CCSER1: variants seen among roughly 807,000 people sequenced by gnomAD.
CCSER1 encodes serine-rich coiled-coil domain-containing protein 1.
CCSER1 carries 41 observed loss-of-function variants against 82.0 expected under a neutral mutation model. That is an observed-to-expected ratio of 0.50 (90% CI 0.39 to 0.65). The LOEUF (loss-of-function observed/expected upper bound fraction) is 0.65, where lower values mean the gene tolerates loss of function less well. CCSER1 is among the 30% of genes least tolerant of loss of function. The pLI is 0.00. For synonymous variants in CCSER1, 414 were observed against 383.9 expected (o/e 1.08, Z -0.92); for missense variants, 1,119 against 1,064.2 (o/e 1.05, Z -0.72).
At chr4:90,615,008 T>C (rs1203171129) in intron 5 of CCSER1, among the ~76,000 whole-genome samples, 1 of 152,160 alleles carries the variant, frequency 6.6e-6, no homozygotes, top group Non-Finnish European at 1.5e-5. Context: ...AAGTTTTATT[T>C]CCCATTCTGA....
chr4:90,242,134 C>T (rs551241246), intron 1 of CCSER1, among the ~76,000 whole-genome samples: 27 of 152,184 alleles, frequency 1.8e-4, no homozygotes, highest in African/African-American at 6.0e-4. Flanking sequence ...TGGTGAAATC[C>T]GGTCTTACTA....
intron 5 of CCSER1, among the ~76,000 whole-genome samples, chr4:90,570,255 A>G (rs1240580983): frequency 6.6e-6 from 1 of 152,114 alleles, no homozygotes; most frequent in African/African-American, 2.4e-5. Flanking sequence ...AATGTCTGGA[A>G]TGACTCTGCG....
intron 3 of CCSER1, among the ~76,000 whole-genome samples, chr4:90,386,871 T>C (rs541751230): frequency 6.6e-6 from 1 of 152,324 alleles, no homozygotes; most frequent in East Asian, 1.9e-4. Flanking sequence ...GCCCACCTAA[T>C]GTAAAGTAGC....
intron 5 of CCSER1, among the ~76,000 whole-genome samples, chr4:90,539,398 G>A (rs1204460783): frequency 6.6e-6 from 1 of 152,026 alleles, no homozygotes; most frequent in South Asian, 2.1e-4. Context: ...ATATATTCTA[G>A]ATTAAACTCA....
Position 90,464,535 on chromosome 4 carries a change from A to G in CCSER1, c.1604-3699A>G, listed in dbSNP as rs533363712. Among the ~76,000 whole-genome samples the G allele has an allele frequency of 7.9e-5, 12 of 152,354 alleles. No individual in the cohort carries two copies. The South Asian group carries it at 1.7e-3, about 21-fold the overall frequency. ...ACATGGGGACTTTTATTTTCCAGGT[A>G]TCCTTGCTCTGACACTCTCTAGTGA... On this transcript the variant is annotated intron_variant, in intron 4 of 10. Coordinates refer to ENST00000509176, the MANE Select transcript of CCSER1 (RefSeq NM_001145065.2).
intron 3 of CCSER1, among the ~76,000 whole-genome samples, chr4:90,399,502 G>T (rs1752504995): frequency 6.6e-6 from 1 of 151,944 alleles, no homozygotes; most frequent in Non-Finnish European, 1.5e-5. Context: ...TACAAAATTT[G>T]TTTGAAAAAC....
At chr4:90,179,506 G>A (rs1733327283) in intron 1 of CCSER1, among the ~76,000 whole-genome samples, 1 of 152,160 alleles carries the variant, frequency 6.6e-6, no homozygotes, top group African/African-American at 2.4e-5. Context: ...AGTCTCTAGA[G>A]TAGCTATAGG....
intron 8 of CCSER1, among the ~76,000 whole-genome samples, chr4:90,903,589 C>A (rs1724993796): frequency 6.6e-6 from 1 of 152,158 alleles, no homozygotes; most frequent in Non-Finnish European, 1.5e-5. Flanking sequence ...TTCCTCCACT[C>A]AAGGCACATG....
intron 5 of CCSER1, among the ~76,000 whole-genome samples, chr4:90,544,926 C>T (rs2153637609): frequency 6.6e-6 from 1 of 152,234 alleles, no homozygotes; most frequent in East Asian, 1.9e-4. Context: ...TTATTTTTAT[C>T]ATCTCTGTCT....
At chr4:90,675,445 C>T (rs1196736783) in intron 6 of CCSER1, among the ~76,000 whole-genome samples, 3 of 151,610 alleles carry the variant, frequency 2.0e-5, no homozygotes, top group Non-Finnish European at 4.4e-5. Context: ...TGTGGATTCA[C>T]AAAATATTAG....
rs994618545 is a variant in CCSER1, at chr4:90,266,685, G to A, written c.-41-41559G>A. Among the ~76,000 whole-genome samples, 93 of 152,058 alleles carry A rather than the reference G, an allele frequency of 6.1e-4. 2 individuals are homozygous for A. The highest frequency in any genetic ancestry group is 3.2e-3 in the Admixed American group (49 of 15,266). On this transcript the variant is annotated intron_variant, in intron 1 of 10. Transcript: ENST00000509176. ...TGGGGGAGGGAGAGTGAGCAATCAG[G>A]ATTTTGCACTGGAAGAACTCAGCTG...
At chr4:91,393,838 G>A (rs1751807720) in intron 10 of CCSER1, among the ~76,000 whole-genome samples, 1 of 152,126 alleles carries the variant, frequency 6.6e-6, no homozygotes, top group Non-Finnish European at 1.5e-5. Flanking sequence ...CCTGTGCACT[G>A]TTGAATTTAA....
intron 1 of CCSER1, among the ~76,000 whole-genome samples, chr4:90,255,378 A>G (rs187129003): frequency 6.6e-6 from 1 of 152,300 alleles, no homozygotes; most frequent in Non-Finnish European, 1.5e-5. Context: ...GGAATGATTA[A>G]TGATATCAAG....
Position 91,599,013 on chromosome 4 carries a change from T to G in CCSER1, c.2659T>G (p.Leu887Val). The G allele has an allele frequency of 1.3e-6, 2 of 1,551,314 alleles. No homozygotes were observed. The highest frequency in any genetic ancestry group is 1.7e-6 in the Non-Finnish European group (2 of 1,146,760). ...SRKNVFLHHN[L>V]HSTELQTLGQ... is the part of the protein sequence containing the mutation. The stretch of plus-strand genomic sequence containing the variant: ...GAAGAATGTGTTTCTCCACCACAAT[T>G]TACACAGCACTGAGCTGCAAACTCT... Residue 887 changes from leucine to valine, a missense_variant, in exon 11 of 11, where the codon TTA (leucine) becomes GTA (valine). By Grantham distance (32) the Leu-to-Val change is conservative. Transcript: ENST00000509176.
At chr4:90,464,718 G>T (rs1763387988) in intron 4 of CCSER1, among the ~76,000 whole-genome samples, 1 of 152,112 alleles carries the variant, frequency 6.6e-6, no homozygotes, top group Admixed American at 6.5e-5. Flanking sequence ...ATGTATTATT[G>T]ATTTTTCAAC....
intron 10 of CCSER1, among the ~76,000 whole-genome samples, chr4:91,230,082 T>C (rs911101448): frequency 6.6e-6 from 1 of 152,094 alleles, no homozygotes; most frequent in African/African-American, 2.4e-5. Context: ...CATTAAAAAT[T>C]CAAGGAATTA....
At chr4:90,770,788 AG>A (rs199937569) in intron 7 of CCSER1, among the ~76,000 whole-genome samples, 1,658 of 152,274 alleles carry the variant, frequency 0.011, 32 homozygotes, top group African/African-American at 0.038. Flanking sequence ...TACACACAAA[AG>A]CACAACCACA....
At chr4:91,226,084 G>A (rs914902714) in intron 10 of CCSER1, among the ~76,000 whole-genome samples, 4 of 151,780 alleles carry the variant, frequency 2.6e-5, no homozygotes, top group Admixed American at 6.6e-5. Flanking sequence ...ATACAAGTGC[G>A]ATGTTGGTGT....
intron 10 of CCSER1, among the ~76,000 whole-genome samples, chr4:91,214,920 GA>G (rs1374772565): frequency 6.6e-6 from 1 of 151,974 alleles, no homozygotes; most frequent in Non-Finnish European, 1.5e-5. Context: ...TAATATGATG[GA>G]AATTTAAATT....
Sources: gnomAD v4.1 joint callset for allele counts (sites outside exome capture counted in the v4.1 genomes callset) on GRCh38, gnomAD v4.1.1 for gene constraint, MANE v1.5 for transcripts, NCBI Gene and HGNC (gene_info 2026-07-23, HGNC 2026-07-21) for gene names.